ALG6: variants seen among roughly 807,000 people sequenced by gnomAD.
ALG6 encodes ALG6 alpha-1,3-glucosyltransferase.
Under a neutral mutation model 66.6 loss-of-function variants are expected in ALG6, and 46 were observed. The observed-to-expected ratio is 0.69, with a 90% CI of 0.55 to 0.88. The LOEUF (loss-of-function observed/expected upper bound fraction) is 0.88. ALG6 is among the 40% of genes least tolerant of loss of function. The pLI is 0.00. For synonymous variants in ALG6, 185 were observed against 203.7 expected, an observed-to-expected ratio of 0.91 and a Z score of 0.78; for missense variants, 505 against 586.8, an observed-to-expected ratio of 0.86 and a Z score of 1.44.
chr1:63,410,312 T>A (rs552797922), intron 7 of ALG6, among the ~76,000 whole-genome samples: 89 of 152,312 alleles, frequency 5.8e-4, no homozygotes, highest in African/African-American at 2.1e-3. Context: ...TGGAGTGCAG[T>A]GGCATGATCA....
At chr1:63,404,406 A>G in intron 4 of ALG6, 47 bp from the exon 5 acceptor site, 2 of 1,416,272 alleles carry the variant, frequency 1.4e-6, no homozygotes, top group East Asian at 2.3e-5. Context: ...CTTTATTGCT[A>G]AAAGGGATGA....
chr1:63,434,619 T>C (rs1486150448), intron 14 of ALG6, among the ~76,000 whole-genome samples: 2 of 152,186 alleles, frequency 1.3e-5, no homozygotes, highest in Non-Finnish European at 2.9e-5. Flanking sequence ...TTGCGATATT[T>C]TTAAAAACTC....
In ALG6 at chr1:63,399,209, G is replaced by T. The variant is rs544514270; in HGVS notation, c.167+2612G>T. Among the ~76,000 whole-genome samples, 3 of 152,274 alleles carry T rather than the reference G, an allele frequency of 2.0e-5. No homozygotes were observed. The East Asian group carries it at 5.8e-4, about 29-fold the overall frequency. On this transcript the variant is annotated intron_variant, in intron 3 of 14. Coordinates refer to ENST00000263440, the MANE Select transcript of ALG6 (RefSeq NM_013339.4). ...GTTGCTATGTGGCTTCTCCAACATG[G>T]CCATGCACTAAAATATGCCAGCTTG...
At position 63,402,393 on chromosome 1, in the gene ALG6, A is replaced by G. The variant is rs1343153829; in HGVS notation, c.257+50A>G. ...CTCTAAATTTTTATGCCCTTGGCAG[A>G]TTTAGTAAGAAGCAGTGTGATGGGG... On this transcript the variant is annotated intron_variant, in intron 4 of 14. Coordinates refer to ENST00000263440, the MANE Select transcript of ALG6 (RefSeq NM_013339.4). 6 of 1,191,360 alleles carry G rather than the reference A, an allele frequency of 5.0e-6. No individual in the cohort carries two copies. In the South Asian group the frequency reaches 7.3e-5, roughly 14 times the overall value. The allele number at this position is 1,191,360 out of a possible 1,614,324, so 73.8% of individuals were successfully genotyped here. A position where few individuals can be genotyped will look rare whatever the true frequency, so the allele number is the denominator to read the frequency against.
At position 63,402,317 on chromosome 1, in the gene ALG6, T is replaced by TCC; in HGVS notation, c.231_232insCC (p.Tyr78ProfsTer14). 1 of 1,611,590 alleles carries TCC rather than the reference T, an allele frequency of 6.2e-7. No homozygotes were observed. Among genetic ancestry groups the TCC allele is most frequent in the South Asian group, 1.1e-5 (1 of 91,034 alleles). On this transcript the variant is annotated frameshift_variant, in exon 4 of 15. Transcript: ENST00000263440. LOFTEE classifies it high-confidence loss of function. The stretch of plus-strand genomic sequence containing the variant: ...GATTGGATTACCCACCTCTTACAGC[T>TCC]TATCATAGTCTCCTATGTGCATATG...
At position 63,402,243 on chromosome 1, in the gene ALG6, T is replaced by C. The variant is rs763917480; in HGVS notation, c.168-11T>C. 3 of 1,543,464 alleles carry C rather than the reference T, an allele frequency of 1.9e-6. No homozygotes were observed. In the South Asian group the frequency reaches 3.3e-5, roughly 17 times the overall value. ...AACGGAATGGTGCTTTCTTCTTTTT[T>C]TCTTTTTCAGGTATTTTAACAGCAG... On this transcript the variant is annotated splice_polypyrimidine_tract_variant and intron_variant, in intron 3 of 14. Coordinates refer to ENST00000263440, the MANE Select transcript of ALG6 (RefSeq NM_013339.4).
At chr1:63,375,199 TA>T (rs36063786) in intron 2 of ALG6, among the ~76,000 whole-genome samples, 17 of 149,812 alleles carry the variant, frequency 1.1e-4, no homozygotes, top group East Asian at 5.9e-4. Context: ...GAGACTCCAT[TA>T]AAAAAAAAAT....
intron 7 of ALG6, among the ~76,000 whole-genome samples, chr1:63,410,821 TATA>T (rs1224138443): frequency 7.9e-5 from 12 of 152,148 alleles, no homozygotes; most frequent in Admixed American, 7.2e-4. Flanking sequence ...TTTGGTATGT[TATA>T]ATAATATTGT....
chr1:63,390,113 G>A (rs1014928681), intron 2 of ALG6, among the ~76,000 whole-genome samples: 1 of 152,172 alleles, frequency 6.6e-6, no homozygotes, highest in Admixed American at 6.5e-5. Context: ...AAGGCCCAAG[G>A]GTTCTTCATC....
chr1:63,374,055 A>G (rs1018681713), intron 2 of ALG6, among the ~76,000 whole-genome samples: 2 of 152,210 alleles, frequency 1.3e-5, no homozygotes, highest in Non-Finnish European at 2.9e-5. Flanking sequence ...ACCACTGAAG[A>G]CAGGTAATAT....
chr1:63,413,795 G>A lies in ALG6; in HGVS notation c.817-266G>A, dbSNP rs183854372. 255 of 356,050 alleles carry A rather than the reference G, an allele frequency of 7.2e-4. 2 individuals are homozygous for A. Among genetic ancestry groups the A allele is most frequent in the African/African-American group, 4.9e-3 (238 of 48,112 alleles). The allele number at this position is 356,050 out of a possible 1,614,324, so 22.1% of individuals were successfully genotyped here. On this transcript the variant is annotated intron_variant, in intron 9 of 14. Coordinates refer to ENST00000263440, the MANE Select transcript of ALG6 (RefSeq NM_013339.4). Reference sequence around the variant, plus strand: ...CTTTAGTATTCAGGGATAGTGCACTGCTCTTTGAAAACTATTAAGTATTTG... The same window carrying A: ...CTTTAGTATTCAGGGATAGTGCACTACTCTTTGAAAACTATTAAGTATTTG...
Position 63,404,438 on chromosome 1 carries a change from T to A in ALG6, c.258-15T>A, listed in dbSNP as rs1427230309. ...ATGAGGAATGAAGTATCTGTATATATGCTTTGATTTGCAGGGCAAAGTTTA... is the reference window on the plus strand; with the variant it reads ...ATGAGGAATGAAGTATCTGTATATAAGCTTTGATTTGCAGGGCAAAGTTTA... On this transcript the variant is annotated splice_polypyrimidine_tract_variant and intron_variant, in intron 4 of 14. Transcript: ENST00000263440. 1 of 1,593,910 alleles carries A rather than the reference T, an allele frequency of 6.3e-7. No homozygotes were observed. Among genetic ancestry groups the A allele is most frequent in the East Asian group, 2.2e-5 (1 of 44,698 alleles).
intron 2 of ALG6, among the ~76,000 whole-genome samples, chr1:63,381,256 C>T (rs1174568844): frequency 3.9e-5 from 6 of 152,148 alleles, no homozygotes; most frequent in Non-Finnish European, 8.8e-5. Context: ...AGATCAAGAC[C>T]ATCCTGGCTA....
intron 2 of ALG6, among the ~76,000 whole-genome samples, chr1:63,392,686 G>A (rs1648707975): frequency 6.6e-6 from 1 of 152,152 alleles, no homozygotes; most frequent in South Asian, 2.1e-4. Context: ...TTGAAGCTGA[G>A]TAAATATACA....
At position 63,375,289 on chromosome 1, in the gene ALG6, G is replaced by A. The variant is rs569079157; in HGVS notation, c.82+4230G>A. Among the ~76,000 whole-genome samples the A allele has an allele frequency of 1.2e-4, 18 of 152,058 alleles. No individual in the cohort carries two copies. In the South Asian group the frequency reaches 3.1e-3, roughly 26 times the overall value. On this transcript the variant is annotated intron_variant, in intron 2 of 14. Coordinates refer to ENST00000263440, the MANE Select transcript of ALG6 (RefSeq NM_013339.4). ...AGACTGAGTCTTGCTCTGTTGCCCAGGCTGGAGGGCAATGGTGCAATCTCG... is the reference window on the plus strand; with the variant it reads ...AGACTGAGTCTTGCTCTGTTGCCCAAGCTGGAGGGCAATGGTGCAATCTCG...
intron 3 of ALG6, among the ~76,000 whole-genome samples, chr1:63,400,267 ACG>A (rs1491162926): frequency 0.037 from 60 of 1,612 alleles, 4 homozygotes; most frequent in South Asian, 0.13. Flanking sequence ...ATATATATAT[ACG>A]TATATATATA....
At chr1:63,429,268 T>G in intron 14 of ALG6, 142 bp downstream of exon 14, 1 of 656,766 alleles carries the variant, frequency 1.5e-6, no homozygotes, top group South Asian at 2.0e-5. Flanking sequence ...CTTAGTGGTT[T>G]TAAGTATGTA....
intron 2 of ALG6, among the ~76,000 whole-genome samples, chr1:63,388,347 G>A (rs1003920051): frequency 2.6e-5 from 4 of 152,052 alleles, no homozygotes; most frequent in Non-Finnish European, 4.4e-5. Flanking sequence ...TTGTATTTTT[G>A]TAGAGATGGG....
chr1:63,411,987 C>T lies in ALG6; in HGVS notation c.742C>T (p.Pro248Ser). ...GGCTTCCTTCGTTCTCTGCTGGCTG[C>T]CATTCTTTACAGAAAGGGAACAAAC... ...VVASFVLCWL[P>S]FFTEREQTLQ... Residue 248 changes from proline to serine, a missense_variant, in exon 9 of 15, where the codon CCA becomes TCA. Pro to Ser is a moderately conservative substitution (Grantham distance 74, BLOSUM62 -1). Transcript: ENST00000263440. 6.2e-7 allele frequency: 1 copy of T among 1,614,062 alleles called. No individual in the cohort carries two copies. Among genetic ancestry groups the T allele is most frequent in the Non-Finnish European group, 8.5e-7 (1 of 1,179,984 alleles).
Sources: allele counts gnomAD v4.1 joint callset (sites outside exome capture counted in the v4.1 genomes callset), GRCh38; gene constraint gnomAD v4.1.1; transcripts MANE v1.5; gene names NCBI Gene and HGNC (gene_info 2026-07-23, HGNC 2026-07-21).